PHF14: variants seen among roughly 807,000 people sequenced by gnomAD.
PHF14 encodes PHD finger protein 14.
In PHF14, 55 loss-of-function variants were observed where a neutral mutation model predicts 117.9. The observed-to-expected ratio is 0.47, with a 90% CI of 0.38 to 0.58. PHF14 has a LOEUF of 0.58. Among genes scored for constraint, PHF14 ranks in the 20% least tolerant of loss-of-function variants. The pLI is 0.00. For synonymous variants in PHF14, 409 were observed against 368.6 expected, an observed-to-expected ratio of 1.11 and a Z score of -1.26; for missense variants, 978 against 1,122.2, an observed-to-expected ratio of 0.87 and a Z score of 1.84.
chr7:11,054,175 G>C (rs907167589), intron 14 of PHF14, among the ~76,000 whole-genome samples: 1 of 151,902 alleles, frequency 6.6e-6, no homozygotes, highest in Non-Finnish European at 1.5e-5. Context: ...ATGCTCCGGA[G>C]ACCATGGATT....
chr7:11,036,963 AT>A, intron 9 of PHF14, 21 bp from the exon 10 acceptor site: 1 of 1,443,006 alleles, frequency 6.9e-7, no homozygotes, highest in Non-Finnish European at 9.4e-7. Flanking sequence ...CTAAAGTAAA[AT>A]TCGATATTTC....
chr7:11,039,497 C>G (rs548071862), intron 11 of PHF14, among the ~76,000 whole-genome samples: 1 of 151,938 alleles, frequency 6.6e-6, no homozygotes, highest in Non-Finnish European at 1.5e-5. Context: ...TTTTTTAGTA[C>G]TGTGTATATA....
chr7:11,097,757 G>A (rs1786933107), intron 16 of PHF14, among the ~76,000 whole-genome samples: 1 of 152,090 alleles, frequency 6.6e-6, no homozygotes, highest in African/African-American at 2.4e-5. Flanking sequence ...TCAGCATCTT[G>A]TTTAATATCA....
At chr7:11,006,704 C>T (rs1325971178) in intron 4 of PHF14, 1 of 644,160 alleles carries the variant, frequency 1.6e-6, no homozygotes, top group East Asian at 3.3e-5. Context: ...ATCTGGGCTG[C>T]CTCCAGAGTC....
intron 4 of PHF14, among the ~76,000 whole-genome samples, chr7:11,003,577 T>C (rs1284660323): frequency 2.0e-5 from 3 of 152,186 alleles, no homozygotes; most frequent in Non-Finnish European, 4.4e-5. Context: ...AATGAACATA[T>C]CCATCATCTC....
chr7:11,140,458 T>C (rs1788368897), intron 17 of PHF14, among the ~76,000 whole-genome samples: 1 of 152,160 alleles, frequency 6.6e-6, no homozygotes, highest in South Asian at 2.1e-4. Flanking sequence ...GATATATGAA[T>C]GCAGTTATAG....
chr7:11,114,649 A>C (rs74591356), intron 17 of PHF14, among the ~76,000 whole-genome samples: 5 of 152,114 alleles, frequency 3.3e-5, no homozygotes, highest in Non-Finnish European at 1.5e-5. Flanking sequence ...TGTCTCATCA[A>C]CTCTTCATAA....
At chr7:11,065,227 C>T (rs944257043) in intron 16 of PHF14, among the ~76,000 whole-genome samples, 3 of 151,906 alleles carry the variant, frequency 2.0e-5, no homozygotes, top group Non-Finnish European at 4.4e-5. Context: ...AAGTTCTCAA[C>T]TAAATATATA....
intron 14 of PHF14, among the ~76,000 whole-genome samples, chr7:11,051,986 A>G (rs1021351112): frequency 6.6e-6 from 1 of 152,174 alleles, no homozygotes; most frequent in Admixed American, 6.5e-5. Flanking sequence ...GAGGCATAAT[A>G]TAAGGAACAC....
intron 17 of PHF14, among the ~76,000 whole-genome samples, chr7:11,121,605 C>G (rs1457897167): frequency 2.0e-5 from 3 of 152,098 alleles, no homozygotes; most frequent in Non-Finnish European, 1.5e-5. Context: ...CATCACTACT[C>G]TTGCACTTCG....
intron 13 of PHF14, among the ~76,000 whole-genome samples, chr7:11,048,258 A>G (rs1169255867): frequency 3.9e-5 from 6 of 152,152 alleles, no homozygotes; most frequent in African/African-American, 1.4e-4. Flanking sequence ...AGGAAAGATA[A>G]TCATGATTTT....
intron 13 of PHF14, among the ~76,000 whole-genome samples, chr7:11,046,351 T>G (rs1784663210): frequency 6.6e-6 from 1 of 152,196 alleles, no homozygotes; most frequent in Non-Finnish European, 1.5e-5. Flanking sequence ...GATTGGAACT[T>G]GTGTTGCCTT....
intron 4 of PHF14, among the ~76,000 whole-genome samples, chr7:10,996,273 G>A (rs181596987): frequency 6.6e-6 from 1 of 152,316 alleles, no homozygotes; most frequent in East Asian, 1.9e-4. Flanking sequence ...TTGGTTTTGA[G>A]GTAGATAGTA....
intron 7 of PHF14, among the ~76,000 whole-genome samples, chr7:11,032,209 T>C (rs1465519836): frequency 2.6e-5 from 4 of 152,190 alleles, no homozygotes; most frequent in Non-Finnish European, 2.9e-5. Flanking sequence ...GATTTCATTC[T>C]ATTAGAGCAT....
At chr7:11,124,710 A>G (rs978198092) in intron 17 of PHF14, among the ~76,000 whole-genome samples, 1 of 152,134 alleles carries the variant, frequency 6.6e-6, no homozygotes, top group Non-Finnish European at 1.5e-5. Context: ...CCCTGACTCT[A>G]GAGCCTGTGT....
At chr7:11,155,262 T>C (rs541541632) in intron 17 of PHF14, among the ~76,000 whole-genome samples, 149 of 152,292 alleles carry the variant, frequency 9.8e-4, no homozygotes, top group Middle Eastern at 6.8e-3. Flanking sequence ...GTAGTGTAGG[T>C]ATCAAAGTTA....
intron 4 of PHF14, among the ~76,000 whole-genome samples, chr7:10,996,348 T>G (rs943279722): frequency 1.3e-5 from 2 of 152,248 alleles, no homozygotes; most frequent in East Asian, 3.8e-4. Context: ...TTGGGACTTA[T>G]CAGCCTGAAG....
chr7:11,048,056 T>G (rs1784735083), intron 13 of PHF14, among the ~76,000 whole-genome samples: 1 of 152,124 alleles, frequency 6.6e-6, no homozygotes, highest in Non-Finnish European at 1.5e-5. Flanking sequence ...ACTTTAAATT[T>G]TTAATTGGCT....
intron 16 of PHF14, among the ~76,000 whole-genome samples, chr7:11,071,978 C>T (rs1413444514): frequency 1.3e-5 from 2 of 152,092 alleles, no homozygotes; most frequent in East Asian, 3.8e-4. Context: ...TTTTGAGAGG[C>T]AGTACTGTAA....
Sources: allele counts gnomAD v4.1 joint callset (sites outside exome capture counted in the v4.1 genomes callset), GRCh38; gene constraint gnomAD v4.1.1; transcripts MANE v1.5; gene names NCBI Gene and HGNC (gene_info 2026-07-23, HGNC 2026-07-21).